Variants in EIF2AK2 observed in about 807,000 individuals in gnomAD.
EIF2AK2 encodes eukaryotic translation initiation factor 2 alpha kinase 2, also known as interferon-induced, double-stranded RNA-activated protein kinase.
In EIF2AK2, 40 loss-of-function variants were observed where a neutral mutation model predicts 70.5. The observed-to-expected ratio is 0.57, with a 90% CI of 0.44 to 0.74. The LOEUF (loss-of-function observed/expected upper bound fraction) is 0.74, where lower values mean the gene tolerates loss of function less well. Ranked by LOEUF, EIF2AK2 falls within the 30% of genes least tolerant of loss-of-function variation. EIF2AK2 has a pLI of 0.00. For missense variants in EIF2AK2, 555 were observed against 644.3 expected, an observed-to-expected ratio of 0.86 and a Z score of 1.50; for synonymous variants, 198 against 220.9, an observed-to-expected ratio of 0.90 and a Z score of 0.92.
intron 10 of EIF2AK2, 37 bp from the exon 11 acceptor site, chr2:37,126,448 T>C (rs899371977): frequency 6.3e-7 from 1 of 1,593,554 alleles, no homozygotes; most frequent in Non-Finnish European, 8.5e-7. Flanking sequence ...TGACATTTCA[T>C]GCTCAACCCC....
intron 1 of EIF2AK2, among the ~76,000 whole-genome samples, chr2:37,150,807 T>G (rs535607561): frequency 1.8e-3 from 275 of 152,328 alleles, no homozygotes; most frequent in Non-Finnish European, 3.1e-3. Context: ...GATATAGATT[T>G]CTCTATGAAA....
chr2:37,141,487 C>G lies in EIF2AK2; in HGVS notation c.389+66G>C, dbSNP rs571749769. 9 of 1,567,434 alleles carry G rather than the reference C, an allele frequency of 5.7e-6. No homozygotes were observed. In the South Asian group the frequency reaches 7.3e-5, roughly 13 times the overall value. ...ACACATATTTCTGGAAAATTAGACA[C>G]GAAAATAAACCAACTTTATTGCTTA... On this transcript the variant is annotated intron_variant, in intron 5 of 16. Transcript: ENST00000233057.
Position 37,139,575 on chromosome 2 carries a change from G to C in EIF2AK2, c.516+56C>G, listed in dbSNP as rs2307471. 453 of 1,587,612 alleles carry C rather than the reference G, an allele frequency of 2.9e-4. 2 individuals are homozygous for C. The African/African-American group carries it at 5.0e-3, about 17-fold the overall frequency. On this transcript the variant is annotated intron_variant, in intron 6 of 16. Transcript: ENST00000233057. Reference sequence around the variant, plus strand: ...TAATGTTAACACAGTCTAACCTCAAGTCAACTTCAGAGGGAATTTTAAAAC... The same window carrying C: ...TAATGTTAACACAGTCTAACCTCAACTCAACTTCAGAGGGAATTTTAAAAC...
intron 14 of EIF2AK2, among the ~76,000 whole-genome samples, chr2:37,112,663 T>A (rs1572999953): frequency 6.6e-6 from 1 of 152,164 alleles, no homozygotes; most frequent in Admixed American, 6.5e-5. Context: ...GAGAGAAATA[T>A]AAAATAAATT....
At chr2:37,110,012 C>T (rs781317071) in intron 14 of EIF2AK2, among the ~76,000 whole-genome samples, 13 of 150,824 alleles carry the variant, frequency 8.6e-5, no homozygotes, top group South Asian at 4.2e-4. Flanking sequence ...TTTGTCAAAA[C>T]GAAAAAATAT....
chr2:37,124,545 C>A (rs1674667747), intron 11 of EIF2AK2, among the ~76,000 whole-genome samples: 1 of 151,948 alleles, frequency 6.6e-6, no homozygotes, highest in African/African-American at 2.4e-5. Context: ...AGGCGTGAGC[C>A]ACCATGCCTG....
chr2:37,143,805 G>C (rs1260747130), intron 4 of EIF2AK2, among the ~76,000 whole-genome samples: 1 of 151,992 alleles, frequency 6.6e-6, no homozygotes, highest in African/African-American at 2.4e-5. Context: ...GATCACCTGA[G>C]CCTGGGGAGA....
At chr2:37,148,805 G>C (rs559060701) in intron 2 of EIF2AK2, 52 bp downstream of exon 2, 2 of 828,026 alleles carry the variant, frequency 2.4e-6, no homozygotes, top group South Asian at 2.7e-5. Context: ...GCATGTAATT[G>C]ACTTAGATGA....
intron 14 of EIF2AK2, 200 bp from the exon 15 acceptor site, chr2:37,109,495 C>G (rs1383930893): frequency 1.9e-6 from 1 of 517,758 alleles, no homozygotes; most frequent in African/African-American, 1.9e-5. Context: ...AATTAACGAT[C>G]AACATGGGAA....
chr2:37,130,223 T>A (rs937296099), intron 10 of EIF2AK2, among the ~76,000 whole-genome samples: 1 of 152,158 alleles, frequency 6.6e-6, no homozygotes, highest in Non-Finnish European at 1.5e-5. Flanking sequence ...TGCCTCAGCC[T>A]CTTGAGTAGC....
rs758020587 is a variant in EIF2AK2 at position 37,107,271 on chromosome 2, C to G, written c.*2G>C. Reference sequence around the variant, plus strand: ...GAAGCAGGATACTTTTTCAGAAGGGCTCTAACATGTGTGTCGTTCATTTTT... The same window carrying G: ...GAAGCAGGATACTTTTTCAGAAGGGGTCTAACATGTGTGTCGTTCATTTTT... On this transcript the variant is annotated 3_prime_UTR_variant, in exon 17 of 17. Transcript: ENST00000233057. 6.8e-5 allele frequency: 110 copies of G among 1,610,548 alleles called. No homozygotes were observed. Among genetic ancestry groups the G allele is most frequent in the Non-Finnish European group, 9.2e-5 (109 of 1,179,216 alleles).
At chr2:37,132,258 A>C (rs1485956914) in intron 10 of EIF2AK2, among the ~76,000 whole-genome samples, 1 of 152,186 alleles carries the variant, frequency 6.6e-6, no homozygotes, top group Non-Finnish European at 1.5e-5. Context: ...TCAAACTCCC[A>C]TACTGTCATA....
At chr2:37,142,968 C>A (rs1675386356) in intron 4 of EIF2AK2, among the ~76,000 whole-genome samples, 1 of 152,180 alleles carries the variant, frequency 6.6e-6, no homozygotes, top group Non-Finnish European at 1.5e-5. Context: ...GTGGCTCACA[C>A]CTGTAATCCC....
chr2:37,110,228 G>A (rs1674100087), intron 14 of EIF2AK2, among the ~76,000 whole-genome samples: 5 of 151,406 alleles, frequency 3.3e-5, no homozygotes, highest in South Asian at 2.1e-4. Context: ...GTGCCACCAC[G>A]CCTGGCTCAT....
chr2:37,153,435 G>A (rs1675816774), intron 1 of EIF2AK2, among the ~76,000 whole-genome samples: 1 of 149,804 alleles, frequency 6.7e-6, no homozygotes, highest in African/African-American at 2.5e-5. Context: ...TGAACTCTGG[G>A]CTCAAGCGAT....
chr2:37,153,640 T>C (rs1675822181), intron 1 of EIF2AK2, among the ~76,000 whole-genome samples: 1 of 152,196 alleles, frequency 6.6e-6, no homozygotes, highest in Non-Finnish European at 1.5e-5. Flanking sequence ...GGTTCATCTA[T>C]GTTGTAGCAT....
chr2:37,118,075 A>C (rs1674407460), intron 13 of EIF2AK2, among the ~76,000 whole-genome samples: 2 of 152,100 alleles, frequency 1.3e-5, no homozygotes. Context: ...TGGGAGGCTG[A>C]GGCAGGAGGA....
Position 37,099,662 on chromosome 2 carries a change from C to T in EIF2AK2, c.*7611G>A, listed in dbSNP as rs1673778019. The T allele has an allele frequency of 1.3e-5, 2 of 152,278 alleles. No homozygotes were observed. The highest frequency in any genetic ancestry group is 2.1e-4 in the South Asian group (1 of 4,826). 9.4% of individuals were successfully genotyped at this position (152,278 alleles called of 1,614,324 possible). ...ATCCAGCCATTCTCCTAGGAATATA[C>T]ATCCAAGAGAAATGAAAACAAGTCC... On this transcript the variant is annotated 3_prime_UTR_variant, in exon 17 of 17. Transcript: ENST00000233057.
intron 10 of EIF2AK2, among the ~76,000 whole-genome samples, chr2:37,129,364 T>C (rs1244170884): frequency 2.0e-5 from 3 of 152,028 alleles, no homozygotes; most frequent in Non-Finnish European, 2.9e-5. Context: ...CATGCCCAAC[T>C]TGCAGTCTTT....
Sources: allele counts gnomAD v4.1 joint callset (sites outside exome capture counted in the v4.1 genomes callset), GRCh38; gene constraint gnomAD v4.1.1; transcripts MANE v1.5; gene names NCBI Gene and HGNC (gene_info 2026-07-23, HGNC 2026-07-21).